The following SMARCA2 variants were observed in gnomAD, a reference collection of about 807,000 sequenced individuals.
The protein encoded by SMARCA2 is SWI/SNF related BAF chromatin remodeling complex subunit ATPase 2.
In SMARCA2, 61 loss-of-function variants were observed where a neutral mutation model predicts 199.8. The ratio of observed to expected loss-of-function variants is 0.31; its 90% CI spans 0.25 to 0.38. SMARCA2 has a LOEUF of 0.38. Ranked by LOEUF, SMARCA2 falls within the 10% of genes least tolerant of loss-of-function variation. The probability of loss-of-function intolerance (pLI) is 1.00; values close to 1 mark genes in which losing one functional copy is unlikely to be tolerated. For missense variants in SMARCA2, 1,344 were observed against 2,012.2 expected (o/e 0.67, Z 6.35); for synonymous variants, 935 against 732.0 (o/e 1.28, Z -4.48).
At chr9:2,023,082 C>T (rs1361008150) in intron 1 of SMARCA2, among the ~76,000 whole-genome samples, 1 of 152,092 alleles carries the variant, frequency 6.6e-6, no homozygotes, top group Non-Finnish European at 1.5e-5. Flanking sequence ...TGGAAGAGGC[C>T]ATGAAATTGC....
In SMARCA2 at chr9:2,083,344, T is replaced by C. The variant is rs371183012; in HGVS notation, c.2349-3T>C. On this transcript the variant is annotated splice_polypyrimidine_tract_variant and splice_region_variant and intron_variant, in intron 15 of 33. Transcript: ENST00000349721. ...TCTGTTGTTTTTTTTTTTTGTTCCA[T>C]AGGACTCTATCTAACTGGACATATG... is the stretch of plus-strand genomic sequence containing the variant. 2.1e-4 allele frequency: 326 copies of C among 1,538,274 alleles called. 1 individual carries two copies. The African/African-American group carries it at 3.5e-3, about 17-fold the overall frequency.
intron 19 of SMARCA2, among the ~76,000 whole-genome samples, chr9:2,088,876 T>C (rs899583632): frequency 5.5e-5 from 8 of 144,756 alleles, no homozygotes; most frequent in Admixed American, 5.4e-4. Flanking sequence ...ATTTTAATTT[T>C]AGATTTTTTT....
At chr9:2,030,277 A>T (rs187897159) in intron 2 of SMARCA2, among the ~76,000 whole-genome samples, 1 of 152,206 alleles carries the variant, frequency 6.6e-6, no homozygotes, top group African/African-American at 2.4e-5. Flanking sequence ...GCAGTCACCA[A>T]TCTGGATACC....
At chr9:2,030,931 G>C (rs1819037325) in intron 2 of SMARCA2, among the ~76,000 whole-genome samples, 1 of 152,202 alleles carries the variant, frequency 6.6e-6, no homozygotes. Context: ...AATTAGGAAA[G>C]TAATATATGG....
At chr9:2,026,572 A>G (rs1023468667) in intron 1 of SMARCA2, among the ~76,000 whole-genome samples, 3 of 152,220 alleles carry the variant, frequency 2.0e-5, no homozygotes, top group Non-Finnish European at 4.4e-5. Flanking sequence ...ATATACATCA[A>G]TTATATTAAA....
rs1262726319 is a variant in SMARCA2 at position 2,016,901 on chromosome 9, C to A, written c.-37+1497C>A. 6.6e-6 allele frequency among the ~76,000 whole-genome samples: 1 copy of A among 152,204 alleles called. No homozygotes were observed. Among genetic ancestry groups the A allele is most frequent in the African/African-American group, 2.4e-5 (1 of 41,464 alleles). Reference sequence around the variant, plus strand: ...CTGCAAAGGTGTCGCGATGCACTTCCCTAAATAACCGGTCCGGCGCGCCAG... The same window carrying A: ...CTGCAAAGGTGTCGCGATGCACTTCACTAAATAACCGGTCCGGCGCGCCAG... On this transcript the variant is annotated intron_variant, in intron 1 of 33. Coordinates refer to ENST00000349721, the MANE Select transcript of SMARCA2 (RefSeq NM_003070.5). The surrounding 1 kb of genome is among the most constrained non-coding windows in gnomAD (Gnocchi z 5.6).
At chr9:2,037,492 G>C (rs566271052) in intron 3 of SMARCA2, among the ~76,000 whole-genome samples, 22 of 152,284 alleles carry the variant, frequency 1.4e-4, no homozygotes, top group African/African-American at 5.1e-4. Flanking sequence ...TGGTTTAGGG[G>C]ATCACGCTAA....
intron 25 of SMARCA2, among the ~76,000 whole-genome samples, chr9:2,118,783 A>G (rs1305973316): frequency 1.3e-5 from 2 of 152,170 alleles, no homozygotes; most frequent in Non-Finnish European, 2.9e-5. Flanking sequence ...TTTAGCCCAT[A>G]TGTAATTGCT....
At chr9:2,118,838 G>GT (rs370595524) in intron 25 of SMARCA2, among the ~76,000 whole-genome samples, 20 of 151,854 alleles carry the variant, frequency 1.3e-4, no homozygotes, top group East Asian at 1.2e-3. Flanking sequence ...TAATTTTGAG[G>GT]TTTTTTTTGT....
chr9:2,120,552 A>G (rs1408867000), intron 26 of SMARCA2, among the ~76,000 whole-genome samples: 2 of 152,156 alleles, frequency 1.3e-5, no homozygotes. Flanking sequence ...TGGGCCAAAT[A>G]TGATCCACAG....
chr9:2,173,236 A>G (rs1348451612), intron 29 of SMARCA2, among the ~76,000 whole-genome samples: 1 of 152,154 alleles, frequency 6.6e-6, no homozygotes, highest in Non-Finnish European at 1.5e-5. Context: ...GGCCCTGCAT[A>G]CACCATCACA....
rs1022508311 is a variant in SMARCA2, at chr9:2,184,759, C to G, written c.4462-1337C>G. Among the ~76,000 whole-genome samples, 12 of 152,070 alleles carry G rather than the reference C, an allele frequency of 7.9e-5. No homozygotes were observed. In the South Asian group the frequency reaches 2.3e-3, roughly 29 times the overall value. On this transcript the variant is annotated intron_variant, in intron 31 of 33. Transcript: ENST00000349721. ...ATTTGTTTTCCTTTCTAAAAAGCCC[C>G]TCATTTCTCACCGCTGAAGGAATTC...
intron 5 of SMARCA2, 60 bp downstream of exon 5, chr9:2,047,544 G>A: frequency 8.1e-7 from 1 of 1,237,516 alleles, no homozygotes; most frequent in Non-Finnish European, 1.0e-6. Flanking sequence ...CGCCCAAGCC[G>A]AGGGGGGTGA....
At chr9:2,074,858 C>G (rs1821255618) in intron 12 of SMARCA2, among the ~76,000 whole-genome samples, 1 of 152,202 alleles carries the variant, frequency 6.6e-6, no homozygotes, top group Admixed American at 6.5e-5. Flanking sequence ...GAGCAAGATC[C>G]TGTTTTGTTG....
At chr9:2,037,349 C>T (rs1357375748) in intron 3 of SMARCA2, among the ~76,000 whole-genome samples, 3 of 152,206 alleles carry the variant, frequency 2.0e-5, no homozygotes, top group African/African-American at 7.2e-5. Context: ...GTAATCACTG[C>T]ATGGTGTTTG....
chr9:2,047,555 G>T, intron 5 of SMARCA2, 71 bp downstream of exon 5: 1 of 1,224,882 alleles, frequency 8.2e-7, no homozygotes, highest in South Asian at 3.3e-5. Flanking sequence ...AGGGGGGTGA[G>T]GCGCCTGCCT....
rs773374421 is a variant in SMARCA2 at position 2,123,942 on chromosome 9, G to T, written c.3981+5G>T. The T allele has an allele frequency of 1.3e-6, 2 of 1,557,524 alleles. No individual in the cohort carries two copies. The highest frequency in any genetic ancestry group is 1.7e-6 in the Non-Finnish European group (2 of 1,150,252). On this transcript the variant is annotated splice_donor_5th_base_variant and intron_variant, in intron 27 of 33. Coordinates refer to ENST00000349721, the MANE Select transcript of SMARCA2 (RefSeq NM_003070.5). This position sits in a 1 kb window ranked among gnomAD's most constrained non-coding sequence, Gnocchi z 4.1. ...ACGGAGAAGCAGTGGCTAAGGGTAA[G>T]CCTAGCTTTTCTAACCCGCTCTCAC...
Position 2,054,743 on chromosome 9 carries a change from G to A in SMARCA2, c.1173+20G>A, listed in dbSNP as rs1263444355. ...CGTCAGGTAATACATTTTCCCCAGT[G>A]AATCTGAGATGTAGGAAATAAATGT... On this transcript the variant is annotated intron_variant, in intron 6 of 33. Transcript: ENST00000349721. The A allele has an allele frequency of 6.2e-7, 1 of 1,613,050 alleles. No homozygotes were observed. The highest frequency in any genetic ancestry group is 2.2e-5 in the East Asian group (1 of 44,870).
rs80253909 is a variant in SMARCA2, at chr9:2,152,920, C to T, written c.3982-8766C>T. Reference sequence around the variant, plus strand: ...TTATGTGAAGAAAGATGTAGGATCACAAAGTGGCCATACAGGAGAGATTCT... The same window carrying T: ...TTATGTGAAGAAAGATGTAGGATCATAAAGTGGCCATACAGGAGAGATTCT... On this transcript the variant is annotated intron_variant, in intron 27 of 33. Transcript: ENST00000349721. 2.0e-3 allele frequency among the ~76,000 whole-genome samples: 309 copies of T among 152,052 alleles called. 13 individuals carry two copies. In the East Asian group the frequency reaches 0.057, roughly 28 times the overall value.
Sources: allele counts gnomAD v4.1 joint callset (sites outside exome capture counted in the v4.1 genomes callset), GRCh38; gene constraint gnomAD v4.1.1; non-coding constraint Gnocchi (gnomAD v3.1); transcripts MANE v1.5; gene names NCBI Gene and HGNC (gene_info 2026-07-23, HGNC 2026-07-21).